Variants in MUC7 observed in about 807,000 individuals in gnomAD.
MUC7 encodes the protein mucin-7.
In MUC7, 2 loss-of-function variants were observed where a neutral mutation model predicts 2.5. That is an observed-to-expected ratio of 0.81 (90% CI 0.33 to 2.55). The LOEUF is 2.55. MUC7 is among the 30% of genes most tolerant of loss of function. The pLI, the probability that MUC7 is intolerant of heterozygous loss-of-function variation, is 0.11. For synonymous variants in MUC7, 133 were observed against 173.4 expected (o/e 0.77, Z 1.83); for missense variants, 408 against 455.6 (o/e 0.90, Z 0.95).
At chr4:70,463,793 G>A (rs1396125935) in intron 1 of MUC7, among the ~76,000 whole-genome samples, 2 of 152,294 alleles carry the variant, frequency 1.3e-5, no homozygotes, top group East Asian at 3.9e-4. Context: ...GACACAACAA[G>A]AAGGTACCAT....
At chr4:70,431,763 T>A (rs1451781264) in intron 1 of MUC7, among the ~76,000 whole-genome samples, 5 of 152,164 alleles carry the variant, frequency 3.3e-5, no homozygotes, top group Non-Finnish European at 7.3e-5. Context: ...TTTTTATTAT[T>A]ATACTTTAAG....
At chr4:70,447,208 A>G (rs1470779836) in intron 1 of MUC7, among the ~76,000 whole-genome samples, 1 of 152,156 alleles carries the variant, frequency 6.6e-6, no homozygotes, top group Admixed American at 6.6e-5. Context: ...TTACTTTCAA[A>G]AAGTTACTTA....
chr4:70,479,975 G>T (rs1186190164), intron 2 of MUC7, among the ~76,000 whole-genome samples: 1 of 152,152 alleles, frequency 6.6e-6, no homozygotes, highest in Non-Finnish European at 1.5e-5. Flanking sequence ...ATCAGAAGAG[G>T]TTAGATGCAT....
intron 1 of MUC7, among the ~76,000 whole-genome samples, chr4:70,435,745 T>A (rs1733814395): frequency 6.6e-6 from 1 of 152,242 alleles, no homozygotes; most frequent in African/African-American, 2.4e-5. Context: ...CCTGTCGTTA[T>A]GATGCTAGCT....
In MUC7 at chr4:70,465,606, A is replaced by G. The variant is rs1451854179; in HGVS notation, c.-92-6609A>G. Reference sequence around the variant, plus strand: ...ACGAGAACTTCGTGAAGCATACACAAGTATCAATAGCCAAATCGATCAAGC... The same window carrying G: ...ACGAGAACTTCGTGAAGCATACACAGGTATCAATAGCCAAATCGATCAAGC... On this transcript the variant is annotated intron_variant, in intron 1 of 3. Transcript: ENST00000413702. 3.3e-5 allele frequency among the ~76,000 whole-genome samples: 5 copies of G among 152,182 alleles called. No individual in the cohort carries two copies. The East Asian group carries it at 5.8e-4, about 18-fold the overall frequency.
At chr4:70,444,234 A>C (rs1467586951) in intron 1 of MUC7, among the ~76,000 whole-genome samples, 2 of 152,228 alleles carry the variant, frequency 1.3e-5, no homozygotes, top group African/African-American at 2.4e-5. Context: ...ACACCTGGAA[A>C]TATGACATTT....
At chr4:70,454,018 T>C (rs748957923) in intron 1 of MUC7, among the ~76,000 whole-genome samples, 23 of 151,984 alleles carry the variant, frequency 1.5e-4, no homozygotes, top group Non-Finnish European at 2.9e-4. Context: ...ATATTCAAAA[T>C]ACAAGACAAA....
At chr4:70,480,604 CA>C (rs35218820) in intron 2 of MUC7, among the ~76,000 whole-genome samples, 194 bp from the exon 3 acceptor site, 53,260 of 151,952 alleles carry the variant, frequency 0.35, 9,989 homozygotes, top group Admixed American at 0.44. Flanking sequence ...AGACATTTGA[CA>C]AAAGAAAACT....
intron 1 of MUC7, among the ~76,000 whole-genome samples, chr4:70,458,933 A>T (rs1238701946): frequency 1.3e-5 from 2 of 152,154 alleles, no homozygotes; most frequent in Non-Finnish European, 2.9e-5. Context: ...ATTTAATAGA[A>T]TAAGCAGGGA....
At chr4:70,475,462 A>G (rs1440920266) in intron 2 of MUC7, among the ~76,000 whole-genome samples, 15 of 152,128 alleles carry the variant, frequency 9.9e-5, no homozygotes, top group Non-Finnish European at 2.9e-5. Context: ...ATGAAACCTT[A>G]CAACATTTTC....
intron 1 of MUC7, among the ~76,000 whole-genome samples, chr4:70,461,807 C>CA (rs58140033): frequency 0.041 from 5,609 of 135,412 alleles, 140 homozygotes; most frequent in African/African-American, 0.078. Flanking sequence ...ATCTTAAAAT[C>CA]AAAAAAAAAA....
At chr4:70,432,388 C>G (rs1733696413) in intron 1 of MUC7, among the ~76,000 whole-genome samples, 1 of 152,188 alleles carries the variant, frequency 6.6e-6, no homozygotes, top group Non-Finnish European at 1.5e-5. Context: ...TTCCATTTCT[C>G]CACATCCTCT....
chr4:70,452,084 G>A (rs999101730), intron 1 of MUC7, among the ~76,000 whole-genome samples: 6 of 152,082 alleles, frequency 3.9e-5, no homozygotes, highest in Admixed American at 2.0e-4. Context: ...TGCTATGCCT[G>A]CTCTTTCCAT....
chr4:70,446,857 G>T (rs187304093), intron 1 of MUC7, among the ~76,000 whole-genome samples: 142 of 152,202 alleles, frequency 9.3e-4, no homozygotes, highest in Non-Finnish European at 1.6e-3. Flanking sequence ...CAAAACTATT[G>T]TGTCAAGTTT....
chr4:70,475,108 G>A (rs946361555), intron 2 of MUC7, among the ~76,000 whole-genome samples: 5 of 151,968 alleles, frequency 3.3e-5, no homozygotes, highest in African/African-American at 7.2e-5. Context: ...GTGAAACCCC[G>A]TCTCTATTAA....
At chr4:70,478,508 C>T (rs1329367637) in intron 2 of MUC7, among the ~76,000 whole-genome samples, 1 of 152,172 alleles carries the variant, frequency 6.6e-6, no homozygotes, top group South Asian at 2.1e-4. Context: ...AATAAGCCGA[C>T]ATCCAGGCAC....
chr4:70,481,382 C>T lies in MUC7; in HGVS notation c.638C>T (p.Ala213Val). Residue 213 changes from alanine to valine, a missense_variant, in exon 3 of 3, where the codon GCT (alanine) becomes GTT (valine). Physicochemically the swap from Ala to Val is moderately conservative, Grantham distance 64. Transcript: ENST00000304887. Reference sequence around the variant, plus strand: ...TCCTCAGCTCCACCAGAGACCACAGCTGCCCCACCCACACCTCCTGCAACT... The same window carrying T: ...TCCTCAGCTCCACCAGAGACCACAGTTGCCCCACCCACACCTCCTGCAACT... ...PSSSAPPETT[A>V]APPTPPATTP... The T allele has an allele frequency of 6.2e-7, 1 of 1,613,308 alleles. No individual in the cohort carries two copies. Among genetic ancestry groups the T allele is most frequent in the Non-Finnish European group, 8.5e-7 (1 of 1,179,854 alleles).
In MUC7 at chr4:70,481,787, CT is replaced by C. The variant is rs1399173484; in HGVS notation, c.1045del (p.Ser349GlnfsTer15). 17 of 1,614,082 alleles carry C rather than the reference CT, an allele frequency of 1.1e-5. No individual in the cohort carries two copies. The highest frequency in any genetic ancestry group is 1.4e-5 in the Non-Finnish European group (17 of 1,180,030). On this transcript the variant is annotated frameshift_variant, in exon 3 of 3. Transcript: ENST00000304887. LOFTEE classifies it low-confidence loss of function (END_TRUNC). ...CAAACTACTACTACTAAACAACCAA[CT>C]TCAGCTCCTGGCCAAAATAAAATTT... ...TTQTTTTKQP[T>X]SAPGQNKISR...
chr4:70,444,225 C>T (rs1244324428), intron 1 of MUC7, among the ~76,000 whole-genome samples: 1 of 152,208 alleles, frequency 6.6e-6, no homozygotes, highest in Non-Finnish European at 1.5e-5. Context: ...TCCAATAAAA[C>T]ACCTGGAAAT....
Sources: gnomAD v4.1 joint callset for allele counts (sites outside exome capture counted in the v4.1 genomes callset) on GRCh38, gnomAD v4.1.1 for gene constraint, MANE v1.5 for transcripts, NCBI Gene and HGNC (gene_info 2026-07-23, HGNC 2026-07-21) for gene names.